FBXO42: variants seen among roughly 807,000 people sequenced by gnomAD.
The protein encoded by FBXO42 is F-box protein 42.
In FBXO42, 12 loss-of-function variants were observed where a neutral mutation model predicts 71.7. The observed-to-expected ratio is 0.17, with a 90% CI of 0.11 to 0.27. The LOEUF (loss-of-function observed/expected upper bound fraction) is 0.27, where lower values mean the gene tolerates loss of function less well. Ranked by LOEUF, FBXO42 falls within the 10% of genes least tolerant of loss-of-function variation. The pLI is 1.00. For synonymous variants in FBXO42, 325 were observed against 327.5 expected, an observed-to-expected ratio of 0.99 and a Z score of 0.08; for missense variants, 707 against 911.9, an observed-to-expected ratio of 0.78 and a Z score of 2.89.
chr1:16,332,688 G>A (rs781274590), intron 1 of FBXO42, among the ~76,000 whole-genome samples: 1 of 151,794 alleles, frequency 6.6e-6, no homozygotes, highest in Admixed American at 6.6e-5. Context: ...TTACAGACAT[G>A]TGCCACCATG....
At chr1:16,290,079 T>A (rs2082062785) in intron 4 of FBXO42, among the ~76,000 whole-genome samples, 4 of 152,178 alleles carry the variant, frequency 2.6e-5, no homozygotes, top group African/African-American at 4.8e-5. Context: ...GTTACCTTGT[T>A]GGAAATGTCT....
chr1:16,261,078 G>C (rs1252013778), intron 4 of FBXO42, among the ~76,000 whole-genome samples: 1 of 152,150 alleles, frequency 6.6e-6, no homozygotes. Flanking sequence ...CTGAATAGTT[G>C]CCACAAACAA....
chr1:16,310,563 T>G (rs1247955126), intron 2 of FBXO42, among the ~76,000 whole-genome samples: 5 of 152,048 alleles, frequency 3.3e-5, no homozygotes, highest in African/African-American at 1.2e-4. Flanking sequence ...CAGAATTCAT[T>G]AAAACTAAAA....
At chr1:16,336,422 G>A (rs2082554103) in intron 1 of FBXO42, among the ~76,000 whole-genome samples, 1 of 151,042 alleles carries the variant, frequency 6.6e-6, no homozygotes, top group African/African-American at 2.4e-5. Flanking sequence ...GCAGTGGCGT[G>A]ATCTTGGCTC....
rs938857421 is a variant in FBXO42, at chr1:16,251,213, C to G, written c.1611G>C (p.Val537=). 2.5e-6 allele frequency: 4 copies of G among 1,614,046 alleles called. No individual in the cohort carries two copies. The highest frequency in any genetic ancestry group is 3.4e-6 in the Non-Finnish European group (4 of 1,180,042). Residue 537 remains valine (V), a synonymous_variant, in exon 10 of 10, where the codon GTG becomes GTC. Transcript: ENST00000375592. The surrounding 1 kb of genome is among the most constrained non-coding windows in gnomAD (Gnocchi z 4.5). The part of the protein sequence containing the change: ...MRHPPEQTNG[V]HTPPHVASAL... ...CACTGGCCACGTGAGGTGGGGTATG[C>G]ACACCATTTGTCTGTTCAGGAGGGT...
At position 16,253,488 on chromosome 1, in the gene FBXO42, T is replaced by C. The variant is rs557112350; in HGVS notation, c.864+147A>G. The C allele has an allele frequency of 7.3e-5, 49 of 675,472 alleles. No individual in the cohort carries two copies. The South Asian group carries it at 9.4e-4, about 13-fold the overall frequency. The allele number at this position is 675,472 out of a possible 1,614,324, so 41.8% of individuals were successfully genotyped here. On this transcript the variant is annotated intron_variant, in intron 7 of 9. Transcript: ENST00000375592. ...TATAAATAATATGACCCATTAGAAG[T>C]TGAAAAATAAATACCAGTAAAAAAG...
chr1:16,290,582 C>T (rs2082067396), intron 4 of FBXO42, among the ~76,000 whole-genome samples: 1 of 152,030 alleles, frequency 6.6e-6, no homozygotes, highest in Non-Finnish European at 1.5e-5. Flanking sequence ...ATTCCAGCTA[C>T]TCGGGAGGCT....
At chr1:16,339,997 G>C (rs1464122399) in intron 1 of FBXO42, among the ~76,000 whole-genome samples, 1 of 152,064 alleles carries the variant, frequency 6.6e-6, no homozygotes, top group African/African-American at 2.4e-5. Context: ...CTAACACAGT[G>C]AAACCCTGTC....
intron 1 of FBXO42, among the ~76,000 whole-genome samples, chr1:16,333,084 T>C (rs566426190): frequency 1.6e-3 from 251 of 152,278 alleles, no homozygotes; most frequent in African/African-American, 5.8e-3. Context: ...ATTCCTACTC[T>C]GCCACGTAAG....
intron 4 of FBXO42, among the ~76,000 whole-genome samples, chr1:16,284,105 C>T (rs1376209120): frequency 6.6e-6 from 1 of 152,106 alleles, no homozygotes; most frequent in Admixed American, 6.6e-5. Flanking sequence ...TGAACAAAGG[C>T]TAAGTCATAC....
chr1:16,278,877 C>T (rs553939694), intron 4 of FBXO42, among the ~76,000 whole-genome samples: 10 of 152,094 alleles, frequency 6.6e-5, no homozygotes, highest in Non-Finnish European at 1.2e-4. Context: ...CTTCTGGGTT[C>T]AACCGATTCT....
intron 1 of FBXO42, among the ~76,000 whole-genome samples, chr1:16,349,673 C>T (rs528349902): frequency 9.2e-5 from 14 of 152,020 alleles, no homozygotes; most frequent in Non-Finnish European, 1.9e-4. Context: ...CCAGCCTGGC[C>T]AACATAGTGA....
At chr1:16,326,159 G>A (rs1208834824) in intron 1 of FBXO42, among the ~76,000 whole-genome samples, 3 of 151,568 alleles carry the variant, frequency 2.0e-5, no homozygotes, top group African/African-American at 4.8e-5. Flanking sequence ...GAGTTCAAGC[G>A]ATTCTCCTGC....
chr1:16,342,758 G>A (rs1467248983), intron 1 of FBXO42, among the ~76,000 whole-genome samples: 2 of 152,224 alleles, frequency 1.3e-5, no homozygotes, highest in Non-Finnish European at 1.5e-5. Context: ...GGTGTTAGGA[G>A]GTGGGGCCTA....
Position 16,305,750 on chromosome 1 carries a change from C to A in FBXO42, c.367+53G>T, listed in dbSNP as rs1015065533. 3 of 1,472,804 alleles carry A rather than the reference C, an allele frequency of 2.0e-6. No homozygotes were observed. In the African/African-American group the frequency reaches 4.2e-5, roughly 20 times the overall value. 91.2% of individuals were successfully genotyped at this position (1,472,804 alleles called of 1,614,324 possible). ...AAAAAACATGCCACCAAACAAGTTT[C>A]TGGAAATATGACCACAGGCAGGGTG... On this transcript the variant is annotated intron_variant, in intron 3 of 9. Transcript: ENST00000375592.
Position 16,352,445 on chromosome 1 carries a change from A to AGCT in FBXO42, c.-211_-209dup, listed in dbSNP as rs1368806939. 2.0e-5 allele frequency: 8 copies of AGCT among 398,026 alleles called. No homozygotes were observed. Among genetic ancestry groups the AGCT allele is most frequent in the Non-Finnish European group, 3.5e-5 (8 of 226,410 alleles). The allele number at this position is 398,026 out of a possible 1,614,324, so 24.7% of individuals were successfully genotyped here. ...TCCACTCAAACGCCGCCGCCGCCGC[A>AGCT]GCTGCTGCTGCTCAGGCCGGGAGAA... On this transcript the variant is annotated 5_prime_UTR_variant, in exon 1 of 10. Coordinates refer to ENST00000375592, the MANE Select transcript of FBXO42 (RefSeq NM_018994.3).
intron 4 of FBXO42, chr1:16,292,985 CA>C (rs1410782583): frequency 1.3e-5 from 2 of 152,162 alleles, no homozygotes; most frequent in Non-Finnish European, 1.5e-5. Flanking sequence ...TCTCAAAAAA[CA>C]ATACAAAACA....
chr1:16,280,955 GTGTT>G (rs2081957505), intron 4 of FBXO42, among the ~76,000 whole-genome samples: 3 of 152,028 alleles, frequency 2.0e-5, no homozygotes, highest in African/African-American at 7.2e-5. Context: ...TGTTGTGTGT[GTGTT>G]TGTTTTTGTT....
At chr1:16,257,006 T>C (rs895459497) in intron 4 of FBXO42, among the ~76,000 whole-genome samples, 6 of 152,240 alleles carry the variant, frequency 3.9e-5, no homozygotes, top group Non-Finnish European at 7.3e-5. Context: ...CTCATGTTTA[T>C]AATTTGCTCA....
Sources: allele counts gnomAD v4.1 joint callset (sites outside exome capture counted in the v4.1 genomes callset), GRCh38; gene constraint gnomAD v4.1.1; non-coding constraint Gnocchi (gnomAD v3.1); transcripts MANE v1.5; gene names NCBI Gene and HGNC (gene_info 2026-07-23, HGNC 2026-07-21).